Variants in NIBAN1 observed in about 807,000 individuals in gnomAD.
The protein encoded by NIBAN1 is niban apoptosis regulator 1, also known as protein Niban 1.
NIBAN1 carries 81 observed loss-of-function variants against 75.1 expected under a neutral mutation model. The ratio of observed to expected loss-of-function variants is 1.08; its 90% CI spans 0.90 to 1.30. The LOEUF is 1.30. Among genes scored for constraint, NIBAN1 ranks in the 50% most tolerant of loss-of-function variants. NIBAN1 has a pLI of 0.00. For synonymous variants in NIBAN1, 436 were observed against 424.8 expected (o/e 1.03, Z -0.32); for missense variants, 1,133 against 1,128.1 (o/e 1.00, Z -0.06).
At chr1:184,855,337 A>G (rs1232353384) in intron 5 of NIBAN1, among the ~76,000 whole-genome samples, 1 of 152,226 alleles carries the variant, frequency 6.6e-6, no homozygotes, top group Non-Finnish European at 1.5e-5. Flanking sequence ...TGGGCATAAC[A>G]TTGAATAAAA....
At chr1:184,962,856 G>GT (rs1403803491) in intron 1 of NIBAN1, among the ~76,000 whole-genome samples, 1 of 151,996 alleles carries the variant, frequency 6.6e-6, no homozygotes, top group East Asian at 1.9e-4. Flanking sequence ...TTAAACACTG[G>GT]TAAATAAAAG....
At chr1:184,910,633 G>A (rs1156827976) in intron 1 of NIBAN1, among the ~76,000 whole-genome samples, 3 of 152,150 alleles carry the variant, frequency 2.0e-5, no homozygotes, top group Admixed American at 2.0e-4. Flanking sequence ...CTTGTGAAAT[G>A]ATCTTAAATT....
chr1:184,974,078 C>A (rs905584596), intron 1 of NIBAN1, among the ~76,000 whole-genome samples: 1 of 152,158 alleles, frequency 6.6e-6, no homozygotes, highest in Non-Finnish European at 1.5e-5. Context: ...CACCCGCATC[C>A]TGCACCTGCC....
intron 3 of NIBAN1, among the ~76,000 whole-genome samples, chr1:184,892,609 G>A (rs971422609): frequency 6.6e-6 from 1 of 152,120 alleles, no homozygotes; most frequent in East Asian, 1.9e-4. Flanking sequence ...ACCCAAGAGA[G>A]CACTTGAGCT....
At chr1:184,968,939 C>A (rs1030704834) in intron 1 of NIBAN1, among the ~76,000 whole-genome samples, 2 of 152,200 alleles carry the variant, frequency 1.3e-5, no homozygotes, top group Non-Finnish European at 2.9e-5. Context: ...TGAAAGGACA[C>A]CTCATGGTCC....
At chr1:184,933,169 C>T (rs1180812219) in intron 1 of NIBAN1, among the ~76,000 whole-genome samples, 1 of 152,224 alleles carries the variant, frequency 6.6e-6, no homozygotes, top group East Asian at 1.9e-4. Context: ...ATTCTGACAG[C>T]ATGACCTACA....
chr1:184,958,989 T>C (rs1282882215), intron 1 of NIBAN1, among the ~76,000 whole-genome samples: 2 of 152,240 alleles, frequency 1.3e-5, no homozygotes, highest in Non-Finnish European at 2.9e-5. Flanking sequence ...AATAATCCTT[T>C]AAACAAACGC....
At chr1:184,936,967 T>C (rs1657976746) in intron 1 of NIBAN1, among the ~76,000 whole-genome samples, 1 of 152,086 alleles carries the variant, frequency 6.6e-6, no homozygotes, top group Non-Finnish European at 1.5e-5. Context: ...GAGGGACTTA[T>C]ATGAAGTCAC....
chr1:184,810,584 C>T (rs1203871826), intron 9 of NIBAN1, among the ~76,000 whole-genome samples: 1 of 152,180 alleles, frequency 6.6e-6, no homozygotes. Flanking sequence ...TGAGTGTTGA[C>T]CAGTCCCAGC....
intron 1 of NIBAN1, among the ~76,000 whole-genome samples, chr1:184,949,227 G>A (rs1050903346): frequency 2.0e-5 from 3 of 152,128 alleles, no homozygotes; most frequent in Non-Finnish European, 2.9e-5. Flanking sequence ...GCGTGGTGGC[G>A]GGCGCCTATA....
At chr1:184,799,197 C>T (rs1216298245) in intron 12 of NIBAN1, among the ~76,000 whole-genome samples, 1 of 151,948 alleles carries the variant, frequency 6.6e-6, no homozygotes, top group African/African-American at 2.4e-5. Context: ...CCCCTCTCCC[C>T]CCACCCCACA....
Position 184,823,199 on chromosome 1 carries a change from T to G in NIBAN1, c.953A>C (p.Asn318Thr). The change falls in exon 8 of 14, where the codon AAC becomes ACC. Residue 318 changes from asparagine to threonine, a missense_variant. Asn to Thr is a moderately conservative substitution (Grantham distance 65). Coordinates refer to ENST00000367511, the MANE Select transcript of NIBAN1 (RefSeq NM_052966.4). ...TIRSDMDQIV[N>T]SKNYLIGKIK... ...CTTTCCAATTAAATAGTTCTTTGAG[T>G]TCACAATCTGATCCATGTCAGAACG... 2 of 1,614,224 alleles carry G rather than the reference T, an allele frequency of 1.2e-6. No individual in the cohort carries two copies. Among genetic ancestry groups the G allele is most frequent in the Non-Finnish European group, 1.7e-6 (2 of 1,180,020 alleles).
intron 5 of NIBAN1, among the ~76,000 whole-genome samples, chr1:184,860,381 T>G (rs1358147794): frequency 6.6e-6 from 1 of 152,152 alleles, no homozygotes; most frequent in Non-Finnish European, 1.5e-5. Context: ...TAAAATTAGC[T>G]TCCAAAAATT....
intron 8 of NIBAN1, among the ~76,000 whole-genome samples, chr1:184,819,581 A>G (rs903345546): frequency 2.0e-5 from 3 of 152,220 alleles, no homozygotes; most frequent in African/African-American, 7.2e-5. Context: ...CATTGTTTTC[A>G]GAGCAGAGGT....
chr1:184,857,270 G>A (rs183193331), intron 5 of NIBAN1, among the ~76,000 whole-genome samples: 4 of 152,270 alleles, frequency 2.6e-5, no homozygotes, highest in African/African-American at 9.6e-5. Context: ...GACAGAGCCT[G>A]CACTTGGTGA....
At position 184,818,686 on chromosome 1, in the gene NIBAN1, T is replaced by A. The variant is rs760115672; in HGVS notation, c.1125A>T (p.Glu375Asp). Residue 375 changes from glutamate to aspartate, a missense_variant, in exon 9 of 14, where the codon GAA (glutamate) becomes GAT (aspartate). Glu to Asp is a conservative substitution (Grantham distance 45, BLOSUM62 2). Transcript: ENST00000367511. The stretch of plus-strand genomic sequence containing the variant: ...TGGTGGTCTGGAAGTTCTGGCTGAC[T>A]TCATTCACCTCTTTCTCAAAGAGTA... The part of the protein sequence containing the change: ...VRVLFEKEVN[E>D]VSQNFQTTKD... 19 of 1,612,050 alleles carry A rather than the reference T, an allele frequency of 1.2e-5. No individual in the cohort carries two copies. In the South Asian group the frequency reaches 2.1e-4, roughly 18 times the overall value.
At chr1:184,830,856 C>T (rs1215782559) in intron 6 of NIBAN1, among the ~76,000 whole-genome samples, 1 of 151,950 alleles carries the variant, frequency 6.6e-6, no homozygotes, top group Non-Finnish European at 1.5e-5. Context: ...CAAAAGTTAG[C>T]AGGAGTGGTG....
intron 5 of NIBAN1, among the ~76,000 whole-genome samples, chr1:184,879,185 C>T (rs1417033319): frequency 6.6e-6 from 1 of 152,136 alleles, no homozygotes; most frequent in East Asian, 1.9e-4. Context: ...GCTTGCAGTG[C>T]ATAGAGGGTT....
At chr1:184,966,748 T>C (rs1351849707) in intron 1 of NIBAN1, among the ~76,000 whole-genome samples, 1 of 152,160 alleles carries the variant, frequency 6.6e-6, no homozygotes, top group Non-Finnish European at 1.5e-5. Context: ...TGGGCCTATG[T>C]TTTCTTTTAA....
Sources: allele counts gnomAD v4.1 joint callset (sites outside exome capture counted in the v4.1 genomes callset), GRCh38; gene constraint gnomAD v4.1.1; transcripts MANE v1.5; gene names NCBI Gene and HGNC (gene_info 2026-07-23, HGNC 2026-07-21).